The following MCPH1 variants were observed in gnomAD, a reference collection of about 807,000 sequenced individuals.
MCPH1 encodes the protein microcephalin 1, also known as microcephalin.
A neutral mutation model predicts 84.5 loss-of-function variants in MCPH1; 104 were observed. The ratio of observed to expected loss-of-function variants is 1.23; its 90% CI spans 1.05 to 1.45. The LOEUF (loss-of-function observed/expected upper bound fraction) is 1.45, where lower values mean the gene tolerates loss of function less well. MCPH1 is among the 40% of genes most tolerant of loss of function. The pLI is 0.00. For synonymous variants in MCPH1, 514 were observed against 366.8 expected (o/e 1.40, Z -4.58); for missense variants, 1,498 against 1,005.7 (o/e 1.49, Z -6.62).
chr8:6,513,955 C>A, intron 12 of MCPH1: 2 of 1,052,956 alleles, frequency 1.9e-6, no homozygotes, highest in Non-Finnish European at 1.3e-6. Context: ...GCAGAAATTC[C>A]TTCTGGTGCT....
chr8:6,569,119 G>T lies in MCPH1; in HGVS notation c.2215-52335G>T, dbSNP rs141550720. On this transcript the variant is annotated intron_variant, in intron 12 of 13. Coordinates refer to ENST00000344683, the MANE Select transcript of MCPH1 (RefSeq NM_024596.5). ...AGTATACAGGGAAAACCATTAGAAGGTTAGCTGCACATAAAACTGTTGTTA... is the reference window on the plus strand; with the variant it reads ...AGTATACAGGGAAAACCATTAGAAGTTTAGCTGCACATAAAACTGTTGTTA... Among the ~76,000 whole-genome samples the T allele has an allele frequency of 7.9e-5, 12 of 152,216 alleles. 1 individual carries two copies. In the East Asian group the frequency reaches 2.1e-3, roughly 27 times the overall value.
intron 12 of MCPH1, chr8:6,618,926 C>T (rs1340738363): frequency 6.6e-6 from 1 of 152,170 alleles, no homozygotes; most frequent in African/African-American, 2.4e-5. Context: ...CTGGGGGCTT[C>T]AGTGATCCAG....
At chr8:6,443,066 C>G (rs1803753361) in intron 7 of MCPH1, among the ~76,000 whole-genome samples, 1 of 152,202 alleles carries the variant, frequency 6.6e-6, no homozygotes, top group African/African-American at 2.4e-5. Flanking sequence ...GTTGTAGGCA[C>G]TCCTCTAAGT....
intron 11 of MCPH1, among the ~76,000 whole-genome samples, chr8:6,493,214 G>A (rs537242514): frequency 6.6e-6 from 1 of 152,174 alleles, no homozygotes; most frequent in African/African-American, 2.4e-5. Flanking sequence ...CCTGGTCATT[G>A]CTTAGCTGTA....
chr8:6,503,229 A>G, intron 12 of MCPH1: 1 of 1,614,170 alleles, frequency 6.2e-7, no homozygotes, highest in African/African-American at 1.3e-5. Flanking sequence ...ATTCCGTTCA[A>G]GTTGGAAGGA....
chr8:6,617,450 A>G (rs1407521467), intron 12 of MCPH1, among the ~76,000 whole-genome samples: 7 of 152,054 alleles, frequency 4.6e-5, no homozygotes, highest in Admixed American at 3.3e-4. Context: ...TTTTTTAGCT[A>G]GAAACTTCTG....
At chr8:6,418,222 T>G (rs552060743) in intron 3 of MCPH1, among the ~76,000 whole-genome samples, 2 of 152,212 alleles carry the variant, frequency 1.3e-5, no homozygotes, top group South Asian at 2.1e-4. Context: ...CCGGAGCTTC[T>G]GCTTGAGTGC....
chr8:6,426,383 G>T (rs1371178542), intron 3 of MCPH1, among the ~76,000 whole-genome samples: 1 of 152,122 alleles, frequency 6.6e-6, no homozygotes, highest in Non-Finnish European at 1.5e-5. Context: ...CCACAGATCT[G>T]GTTTCTGTCA....
chr8:6,543,354 A>G (rs931769715), intron 12 of MCPH1, among the ~76,000 whole-genome samples: 3 of 152,130 alleles, frequency 2.0e-5, no homozygotes, highest in Non-Finnish European at 2.9e-5. Context: ...CTCTCCAACG[A>G]ACTGCTCCTC....
intron 12 of MCPH1, among the ~76,000 whole-genome samples, chr8:6,511,852 G>A (rs138651165): frequency 6.7e-6 from 1 of 149,422 alleles, no homozygotes; most frequent in East Asian, 2.0e-4. Flanking sequence ...GACCCATTTT[G>A]TAAAAATCTT....
In MCPH1 at chr8:6,444,916, G is replaced by A. The variant is rs752207792; in HGVS notation, c.1194G>A (p.Ala398=). The A allele has an allele frequency of 2.2e-5, 35 of 1,613,996 alleles. No homozygotes were observed. Among genetic ancestry groups the A allele is most frequent in the East Asian group, 6.7e-5 (3 of 44,882 alleles). Residue 398 remains alanine (A), a synonymous_variant, in exon 8 of 14, where the codon GCG becomes GCA. Transcript: ENST00000344683. The stretch of plus-strand genomic sequence containing the variant: ...CGGAAGACAGGCTGCAGCACGTGGC[G>A]GGACCTGCCCTGGAGGCTCTTAGCT... ...CRSEDRLQHV[A]GPALEALSCG...
At chr8:6,525,793 C>CA (rs1178440761) in intron 12 of MCPH1, among the ~76,000 whole-genome samples, 11 of 151,892 alleles carry the variant, frequency 7.2e-5, no homozygotes, top group South Asian at 2.1e-4. Flanking sequence ...ATATCTGTGA[C>CA]AAAAAAATAC....
At chr8:6,462,311 A>C (rs1806378750) in intron 9 of MCPH1, among the ~76,000 whole-genome samples, 1 of 152,260 alleles carries the variant, frequency 6.6e-6, no homozygotes, top group African/African-American at 2.4e-5. Flanking sequence ...ATAAGGACAT[A>C]GTCTATATCC....
chr8:6,447,308 A>G (rs1418054154), intron 8 of MCPH1: 2 of 985,166 alleles, frequency 2.0e-6, no homozygotes, highest in African/African-American at 1.7e-5. Context: ...AGGGATGCAC[A>G]CTCTATATCT....
intron 13 of MCPH1, among the ~76,000 whole-genome samples, chr8:6,635,916 T>A (rs1461299333): frequency 6.6e-6 from 1 of 152,260 alleles, no homozygotes; most frequent in Non-Finnish European, 1.5e-5. Flanking sequence ...TCTCTGCTGA[T>A]GCCACTGGCT....
At chr8:6,520,602 G>T (rs923531609) in intron 12 of MCPH1, among the ~76,000 whole-genome samples, 2 of 152,068 alleles carry the variant, frequency 1.3e-5, no homozygotes, top group African/African-American at 4.8e-5. Flanking sequence ...CACCATGTTG[G>T]CCACGCTGGT....
At chr8:6,597,024 G>A (rs1440651802) in intron 12 of MCPH1, among the ~76,000 whole-genome samples, 2 of 152,196 alleles carry the variant, frequency 1.3e-5, no homozygotes, top group African/African-American at 4.8e-5. Flanking sequence ...AGGGTAGGAA[G>A]GATGCAATGG....
At position 6,437,123 on chromosome 8, in the gene MCPH1, G is replaced by T. The variant is rs536749074; in HGVS notation, c.436+961G>T. Among the ~76,000 whole-genome samples, 128 of 152,222 alleles carry T rather than the reference G, an allele frequency of 8.4e-4. 1 individual carries two copies. The highest frequency in any genetic ancestry group is 3.4e-3 in the Middle Eastern group (1 of 294). On this transcript the variant is annotated intron_variant, in intron 5 of 13. Transcript: ENST00000344683. ...CAATTATGGTCACTAGAAATTCCTA[G>T]GAAGCATTAATTCCTCTAGTTTTTG...
At chr8:6,483,978 C>G (rs1809552316) in intron 11 of MCPH1, among the ~76,000 whole-genome samples, 1 of 152,136 alleles carries the variant, frequency 6.6e-6, no homozygotes, top group African/African-American at 2.4e-5. Flanking sequence ...AGGTATAAAA[C>G]TTCTATAAGT....
Sources: gnomAD v4.1 joint callset for allele counts (sites outside exome capture counted in the v4.1 genomes callset) on GRCh38, gnomAD v4.1.1 for gene constraint, MANE v1.5 for transcripts, NCBI Gene and HGNC (gene_info 2026-07-23, HGNC 2026-07-21) for gene names.